Variants in RAP1GDS1 observed in about 807,000 individuals in gnomAD.
RAP1GDS1 encodes RAP1, GTP-GDP dissociation stimulator 1.
Under a neutral mutation model 71.1 loss-of-function variants are expected in RAP1GDS1, and 35 were observed. The ratio of observed to expected loss-of-function variants is 0.49; its 90% CI spans 0.38 to 0.65. The LOEUF (loss-of-function observed/expected upper bound fraction) is 0.65. RAP1GDS1 is among the 30% of genes least tolerant of loss of function. RAP1GDS1 has a pLI of 0.00. For missense variants in RAP1GDS1, 663 were observed against 706.1 expected (o/e 0.94, Z 0.69); for synonymous variants, 229 against 243.1 (o/e 0.94, Z 0.54).
At position 98,443,837 on chromosome 4, in the gene RAP1GDS1, TAATA is replaced by T. The variant is rs1371388713; in HGVS notation, c.*1725_*1728del. The T allele has an allele frequency of 2.8e-5, 5 of 178,286 alleles. No individual in the cohort carries two copies. The highest frequency in any genetic ancestry group is 6.0e-5 in the Non-Finnish European group (5 of 83,156). The allele number at this position is 178,286 out of a possible 1,614,324, so 11.0% of individuals were successfully genotyped here. A position where few individuals can be genotyped will look rare whatever the true frequency, so the allele number is the denominator to read the frequency against. ...TGCATATCTGTTCATATTAATAACT[TAATA>T]AATAGTATATGAAGCTATAATGGCA... On this transcript the variant is annotated 3_prime_UTR_variant, in exon 15 of 15. Coordinates refer to ENST00000408927, the MANE Select transcript of RAP1GDS1 (RefSeq NM_001100427.2).
chr4:98,324,006 T>C (rs996661827), intron 2 of RAP1GDS1, among the ~76,000 whole-genome samples: 2 of 150,216 alleles, frequency 1.3e-5, no homozygotes, highest in East Asian at 2.0e-4. Flanking sequence ...GACGACATGA[T>C]TGTTTATCTA....
At chr4:98,297,018 C>CTTTTTT in intron 2 of RAP1GDS1, 1 of 152,598 alleles carries the variant, frequency 6.6e-6, no homozygotes, top group South Asian at 1.5e-4. Context: ...GCCTCGTTCT[C>CTTTTTT]TTTTTTTTTT....
intron 5 of RAP1GDS1, 89 bp downstream of exon 5, chr4:98,379,252 G>A: frequency 1.7e-6 from 2 of 1,196,598 alleles, no homozygotes; most frequent in Non-Finnish European, 2.2e-6. Context: ...TTTGAAAAAT[G>A]ATGAACAAAG....
At chr4:98,398,309 G>A (rs1360307420) in intron 6 of RAP1GDS1, among the ~76,000 whole-genome samples, 1 of 151,164 alleles carries the variant, frequency 6.6e-6, no homozygotes, top group Non-Finnish European at 1.5e-5. Context: ...CAGAGAGGAG[G>A]AAATTGCCAA....
chr4:98,275,258 C>T (rs751934249), intron 1 of RAP1GDS1, among the ~76,000 whole-genome samples: 5 of 152,110 alleles, frequency 3.3e-5, no homozygotes, highest in Admixed American at 2.6e-4. Context: ...ACATGCTTCT[C>T]TTATTTTGAC....
chr4:98,400,850 C>T (rs1275962079), intron 6 of RAP1GDS1, among the ~76,000 whole-genome samples: 1 of 152,100 alleles, frequency 6.6e-6, no homozygotes, highest in Non-Finnish European at 1.5e-5. Flanking sequence ...AATAATTACA[C>T]TTTTTTATTT....
intron 12 of RAP1GDS1, among the ~76,000 whole-genome samples, chr4:98,432,190 G>C (rs1192821804): frequency 6.6e-6 from 1 of 152,130 alleles, no homozygotes; most frequent in Non-Finnish European, 1.5e-5. Flanking sequence ...AGTATACCTG[G>C]CCAAAGAGAG....
intron 7 of RAP1GDS1, among the ~76,000 whole-genome samples, chr4:98,415,851 A>T (rs1417511368): frequency 6.6e-6 from 1 of 152,214 alleles, no homozygotes; most frequent in Non-Finnish European, 1.5e-5. Flanking sequence ...CCATGTACCC[A>T]TCACTCAAGA....
intron 2 of RAP1GDS1, among the ~76,000 whole-genome samples, chr4:98,329,740 G>C (rs1733657304): frequency 7.6e-6 from 1 of 130,950 alleles, no homozygotes; most frequent in Non-Finnish European, 1.5e-5. Context: ...AGTGAGCCAA[G>C]ATCATGCCAT....
chr4:98,402,367 C>T (rs867139878), intron 6 of RAP1GDS1, among the ~76,000 whole-genome samples: 1 of 152,268 alleles, frequency 6.6e-6, no homozygotes, highest in South Asian at 2.1e-4. Context: ...CCACCATGCC[C>T]GGCCTCATCT....
intron 2 of RAP1GDS1, among the ~76,000 whole-genome samples, chr4:98,324,069 A>G (rs1167837548): frequency 1.3e-5 from 2 of 151,256 alleles, no homozygotes; most frequent in African/African-American, 4.9e-5. Flanking sequence ...AGCAACTTCA[A>G]AGTCTCAGGA....
intron 5 of RAP1GDS1, 111 bp downstream of exon 5, chr4:98,379,274 G>A: frequency 2.8e-6 from 3 of 1,086,494 alleles, no homozygotes; most frequent in Non-Finnish European, 3.7e-6. Context: ...ATTCGTAAGT[G>A]GCATATAAAA....
intron 12 of RAP1GDS1, among the ~76,000 whole-genome samples, chr4:98,429,128 G>A (rs1750027930): frequency 6.6e-6 from 1 of 152,020 alleles, no homozygotes; most frequent in Admixed American, 6.6e-5. Context: ...CATGGTGGCG[G>A]GCGCCTGTAG....
intron 1 of RAP1GDS1, among the ~76,000 whole-genome samples, chr4:98,263,373 C>G (rs922949360): frequency 2.6e-5 from 4 of 152,158 alleles, no homozygotes; most frequent in Admixed American, 2.6e-4. Flanking sequence ...AATTCCGTTA[C>G]AACACTGGTG....
chr4:98,379,417 T>G, intron 5 of RAP1GDS1: 1 of 304,848 alleles, frequency 3.3e-6, no homozygotes, highest in Non-Finnish European at 5.9e-6. Flanking sequence ...CCCTATAGTA[T>G]GATTTAAGCA....
At chr4:98,399,157 G>C (rs923346173) in intron 6 of RAP1GDS1, among the ~76,000 whole-genome samples, 5 of 152,008 alleles carry the variant, frequency 3.3e-5, no homozygotes, top group Admixed American at 6.6e-5. Context: ...TCAGGACATT[G>C]GTCTAAGAAA....
In RAP1GDS1 at chr4:98,404,549, A is replaced by G. The variant is rs772067720; in HGVS notation, c.710A>G (p.Glu237Gly). 28 of 1,607,588 alleles carry G rather than the reference A, an allele frequency of 1.7e-5. No homozygotes were observed. In the African/African-American group the frequency reaches 1.9e-4, roughly 11 times the overall value. The change falls in exon 7 of 15, where the codon GAA becomes GGA. Residue 237 changes from glutamate to glycine, a missense_variant. Physicochemically the swap from Glu to Gly is moderately conservative, Grantham distance 98. Coordinates refer to ENST00000408927, the MANE Select transcript of RAP1GDS1 (RefSeq NM_001100427.2). ...ELVKLFKKQI[E>G]HDKREMIFEV... ...GTAAAACTCTTCAAGAAACAAATAG[A>G]ACATGATAAGAGAGAAATGATTTTT...
chr4:98,371,460 T>C (rs1240974154), intron 4 of RAP1GDS1, among the ~76,000 whole-genome samples: 8 of 151,990 alleles, frequency 5.3e-5, no homozygotes, highest in Admixed American at 3.3e-4. Flanking sequence ...CCTTTATCCC[T>C]GATAATACTG....
At chr4:98,414,104 T>G (rs1747531250) in intron 7 of RAP1GDS1, among the ~76,000 whole-genome samples, 1 of 150,084 alleles carries the variant, frequency 6.7e-6, no homozygotes, top group Admixed American at 6.6e-5. Flanking sequence ...CATTGTAGAT[T>G]CTGGATATTA....
Sources: gnomAD v4.1 joint callset for allele counts (sites outside exome capture counted in the v4.1 genomes callset) on GRCh38, gnomAD v4.1.1 for gene constraint, MANE v1.5 for transcripts, NCBI Gene and HGNC (gene_info 2026-07-23, HGNC 2026-07-21) for gene names.